PXDNL: variants seen among roughly 807,000 people sequenced by gnomAD.
PXDNL encodes the protein peroxidasin like.
Under a neutral mutation model 150.8 loss-of-function variants are expected in PXDNL, and 145 were observed. That is an observed-to-expected ratio of 0.96 (90% confidence interval 0.84 to 1.10). The LOEUF (loss-of-function observed/expected upper bound fraction) is 1.10. Ranked by LOEUF, PXDNL falls within the 50% of genes least tolerant of loss-of-function variation. The pLI, the probability that PXDNL is intolerant of heterozygous loss-of-function variation, is 0.00. For synonymous variants in PXDNL, 757 were observed against 725.7 expected (o/e 1.04, Z -0.69); for missense variants, 2,087 against 1,873.9 (o/e 1.11, Z -2.10).
chr8:51,615,650 A>G, intron 2 of PXDNL, among the ~76,000 whole-genome samples: 1 of 152,200 alleles, frequency 6.6e-6, no homozygotes, highest in East Asian at 1.9e-4. Context: ...TGTGAGTGAA[A>G]TTTCAAAGCT....
intron 21 of PXDNL, among the ~76,000 whole-genome samples, chr8:51,338,053 C>T (rs573318343): frequency 1.5e-4 from 22 of 151,602 alleles, no homozygotes; most frequent in African/African-American, 4.9e-4. Flanking sequence ...GTGGTGGACA[C>T]CTGTAATCCC....
intron 1 of PXDNL, among the ~76,000 whole-genome samples, chr8:51,792,656 G>A (rs1242771460): frequency 1.3e-5 from 2 of 152,146 alleles, no homozygotes; most frequent in African/African-American, 4.8e-5. Context: ...GTGCTGGGGA[G>A]ACTGGATGGT....
chr8:51,744,956 GAAA>G (rs767230850), intron 1 of PXDNL, among the ~76,000 whole-genome samples: 84,816 of 116,128 alleles, frequency 0.73, 28,597 homozygotes, highest in East Asian at 0.89. Flanking sequence ...AAGAAAGAAA[GAAA>G]GAAAGAAAGA....
chr8:51,583,315 A>AG (rs1213804160), intron 3 of PXDNL, among the ~76,000 whole-genome samples: 3 of 152,146 alleles, frequency 2.0e-5, no homozygotes, highest in Non-Finnish European at 4.4e-5. Context: ...TGGAAGGCAA[A>AG]GGGGGACCCA....
intron 1 of PXDNL, among the ~76,000 whole-genome samples, chr8:51,770,600 A>G (rs1037881960): frequency 6.6e-6 from 1 of 152,132 alleles, no homozygotes. Flanking sequence ...CTGTCTCTTG[A>G]TCAGAATGCA....
At chr8:51,449,744 C>A (rs1292522189) in intron 10 of PXDNL, among the ~76,000 whole-genome samples, 2 of 152,130 alleles carry the variant, frequency 1.3e-5, no homozygotes, top group African/African-American at 2.4e-5. Context: ...AAAAATAAAT[C>A]AATGTGGCCA....
intron 1 of PXDNL, among the ~76,000 whole-genome samples, chr8:51,775,492 G>T (rs58583070): frequency 0.12 from 17,642 of 152,092 alleles, 1,245 homozygotes; most frequent in East Asian, 0.17. Context: ...TTGAACGGAG[G>T]GACTAGCTGA....
At chr8:51,386,371 G>T (rs1283267768) in intron 17 of PXDNL, among the ~76,000 whole-genome samples, 1 of 152,120 alleles carries the variant, frequency 6.6e-6, no homozygotes, top group Admixed American at 6.6e-5. Flanking sequence ...GATTACAGGC[G>T]TGAGCCACTG....
chr8:51,635,960 T>C (rs1199446400), intron 2 of PXDNL, among the ~76,000 whole-genome samples: 1 of 152,050 alleles, frequency 6.6e-6, no homozygotes, highest in African/African-American at 2.4e-5. Flanking sequence ...TTCAACAAAA[T>C]ACTGGAAAAT....
chr8:51,447,593 C>T lies in PXDNL; in HGVS notation c.1367-431G>A, dbSNP rs374962564. 2.0e-5 allele frequency among the ~76,000 whole-genome samples: 3 copies of T among 152,110 alleles called. No homozygotes were observed. The East Asian group carries it at 5.8e-4, about 29-fold the overall frequency. ...CATTTAAAATGCAGAGGCAGCATAT[C>T]GAAAATGGTGATTTTGTGACATTCA... On this transcript the variant is annotated intron_variant, in intron 11 of 22. Transcript: ENST00000356297.
intron 3 of PXDNL, among the ~76,000 whole-genome samples, chr8:51,589,095 G>T (rs1290085441): frequency 2.0e-5 from 3 of 147,686 alleles, no homozygotes; most frequent in African/African-American, 8.0e-5. Flanking sequence ...TCTCTGTCTT[G>T]TGTGTTTGTT....
intron 1 of PXDNL, among the ~76,000 whole-genome samples, chr8:51,751,929 T>C (rs4557692): frequency 0.97 from 148,031 of 152,250 alleles, 72,103 homozygotes; most frequent in East Asian, 1. Context: ...TGCTATTTCT[T>C]GTGGCCCAAT....
At chr8:51,529,775 GTC>G (rs1811852577) in intron 4 of PXDNL, among the ~76,000 whole-genome samples, 1 of 152,096 alleles carries the variant, frequency 6.6e-6, no homozygotes, top group Admixed American at 6.5e-5. Flanking sequence ...TGAGTTCCCA[GTC>G]TCTCCCCACA....
At chr8:51,598,129 G>A (rs1813615480) in intron 2 of PXDNL, among the ~76,000 whole-genome samples, 1 of 152,168 alleles carries the variant, frequency 6.6e-6, no homozygotes, top group Non-Finnish European at 1.5e-5. Flanking sequence ...GTTCCAGAAG[G>A]TTTATGGTGG....
chr8:51,454,988 A>T lies in PXDNL; in HGVS notation c.983-1203T>A, dbSNP rs1299830429. On this transcript the variant is annotated intron_variant, in intron 9 of 22. Coordinates refer to ENST00000356297, the MANE Select transcript of PXDNL (RefSeq NM_144651.5). Reference sequence around the variant, plus strand: ...GCCGGGCGCGGTGGCGGGCGCCTGTAGTCCCAGCTACTCGGGAGGCTGAGG... The same window carrying T: ...GCCGGGCGCGGTGGCGGGCGCCTGTTGTCCCAGCTACTCGGGAGGCTGAGG... 5.2e-5 allele frequency among the ~76,000 whole-genome samples: 5 copies of T among 96,560 alleles called. 2 individuals carry two copies. The highest frequency in any genetic ancestry group is 3.6e-4 in the African/African-American group (5 of 13,932). The allele number at this position is 96,560 out of a possible 152,430, so 63.3% of individuals were successfully genotyped here. A position where few individuals can be genotyped will look rare whatever the true frequency, so the allele number is the denominator to read the frequency against.
At chr8:51,357,807 A>T (rs1191984423) in intron 19 of PXDNL, among the ~76,000 whole-genome samples, 1 of 152,186 alleles carries the variant, frequency 6.6e-6, no homozygotes, top group East Asian at 1.9e-4. Context: ...GGTAAGAAAT[A>T]TAACAGATTG....
intron 8 of PXDNL, among the ~76,000 whole-genome samples, chr8:51,464,380 T>C (rs1810156724): frequency 6.1e-4 from 1 of 1,638 alleles, no homozygotes. Flanking sequence ...AGAGCAGAAC[T>C]ACATGAAACT....
chr8:51,692,881 C>T (rs16916719), intron 1 of PXDNL, among the ~76,000 whole-genome samples: 5,121 of 152,296 alleles, frequency 0.034, 285 homozygotes, highest in African/African-American at 0.11. Context: ...CCTGTCTCAA[C>T]TGTTCCAAAT....
At chr8:51,396,146 C>T (rs1038925034) in intron 17 of PXDNL, among the ~76,000 whole-genome samples, 6 of 152,046 alleles carry the variant, frequency 3.9e-5, no homozygotes, top group African/African-American at 7.3e-5. Context: ...CCTATGCCTG[C>T]GAGAAGAAAG....
Sources: allele counts gnomAD v4.1 joint callset (sites outside exome capture counted in the v4.1 genomes callset), GRCh38; gene constraint gnomAD v4.1.1; transcripts MANE v1.5; gene names NCBI Gene and HGNC (gene_info 2026-07-23, HGNC 2026-07-21).